Variants in STIM2 observed in about 807,000 individuals in gnomAD.
STIM2 encodes stromal interaction molecule 2.
Under a neutral mutation model 85.8 loss-of-function variants are expected in STIM2, and 31 were observed. The observed-to-expected ratio is 0.36, with a 90% confidence interval of 0.27 to 0.49. The LOEUF (loss-of-function observed/expected upper bound fraction) is 0.49. Among genes scored for constraint, STIM2 ranks in the 20% least tolerant of loss-of-function variants. The pLI is 0.98. For synonymous variants in STIM2, 356 were observed against 331.1 expected (o/e 1.08, Z -0.82); for missense variants, 841 against 927.6 (o/e 0.91, Z 1.21).
chr4:26,935,413 G>T (rs1186711976), intron 2 of STIM2, among the ~76,000 whole-genome samples: 1 of 152,150 alleles, frequency 6.6e-6, no homozygotes, highest in Admixed American at 6.5e-5. Context: ...ATAGAAAAAG[G>T]TTAGGGCCAC....
At chr4:27,004,442 C>T (rs1012921159) in intron 7 of STIM2, among the ~76,000 whole-genome samples, 2 of 152,056 alleles carry the variant, frequency 1.3e-5, no homozygotes, top group Admixed American at 6.5e-5. Flanking sequence ...GAACTCCCTG[C>T]CTTTTTCCAC....
rs770185821 is a variant in STIM2, at chr4:27,003,112, C to T, written c.981+8C>T. The stretch of plus-strand genomic sequence containing the variant: ...GAACAGGAATTGGAACAGGTATTTA[C>T]ATTAAAAAAAAAATCACTTGTAAAG... On this transcript the variant is annotated splice_region_variant and intron_variant, in intron 7 of 11. Coordinates refer to ENST00000467087, the MANE Select transcript of STIM2 (RefSeq NM_020860.4). 2 of 1,555,164 alleles carry T rather than the reference C, an allele frequency of 1.3e-6. No homozygotes were observed. The highest frequency in any genetic ancestry group is 1.7e-6 in the Non-Finnish European group (2 of 1,160,672).
At chr4:26,992,017 C>T (rs1225460936) in intron 3 of STIM2, among the ~76,000 whole-genome samples, 2 of 151,984 alleles carry the variant, frequency 1.3e-5, no homozygotes, top group Non-Finnish European at 2.9e-5. Flanking sequence ...TTAGCAACAG[C>T]ATCTATAAAA....
chr4:26,948,868 C>T (rs766259224), intron 2 of STIM2, among the ~76,000 whole-genome samples: 1 of 151,862 alleles, frequency 6.6e-6, no homozygotes, highest in Non-Finnish European at 1.5e-5. Flanking sequence ...CTAGTGACTT[C>T]TCAGAAACCA....
At chr4:26,898,680 T>A (rs559278387) in intron 1 of STIM2, among the ~76,000 whole-genome samples, 2 of 152,320 alleles carry the variant, frequency 1.3e-5, no homozygotes, top group African/African-American at 4.8e-5. Flanking sequence ...TTCACCCTTA[T>A]GTATCAATTT....
chr4:26,981,441 C>A (rs1173774447), intron 3 of STIM2, among the ~76,000 whole-genome samples: 2 of 152,190 alleles, frequency 1.3e-5, no homozygotes, highest in Admixed American at 1.3e-4. Context: ...TGAAGAAGAA[C>A]TGAAAGATTT....
In STIM2 at chr4:26,905,999, A is replaced by G. The variant is rs1432724747; in HGVS notation, c.152-13505A>G. On this transcript the variant is annotated intron_variant, in intron 1 of 11. Transcript: ENST00000467087. Reference sequence around the variant, plus strand: ...AAAATATATAGACCTAAAAATACATATAAGGCCAGTTTTATATCTTTAATC... The same window carrying G: ...AAAATATATAGACCTAAAAATACATGTAAGGCCAGTTTTATATCTTTAATC... Among the ~76,000 whole-genome samples, 3 of 152,220 alleles carry G rather than the reference A, an allele frequency of 2.0e-5. No homozygotes were observed. The East Asian group carries it at 5.8e-4, about 29-fold the overall frequency.
At chr4:26,993,359 T>G (rs902264201) in intron 3 of STIM2, among the ~76,000 whole-genome samples, 2 of 152,176 alleles carry the variant, frequency 1.3e-5, no homozygotes, top group African/African-American at 4.8e-5. Context: ...GGGAGAACAG[T>G]CAAGGCTTTG....
chr4:26,992,578 T>C (rs1252954685), intron 3 of STIM2, among the ~76,000 whole-genome samples: 1 of 152,032 alleles, frequency 6.6e-6, no homozygotes, highest in African/African-American at 2.4e-5. Flanking sequence ...AAAGGTTCAC[T>C]TGAAGAATTA....
At chr4:26,898,623 T>C (rs1400023799) in intron 1 of STIM2, among the ~76,000 whole-genome samples, 1 of 152,190 alleles carries the variant, frequency 6.6e-6, no homozygotes, top group Non-Finnish European at 1.5e-5. Flanking sequence ...AGTATTTTGG[T>C]TTTCATGAAA....
At chr4:26,987,722 C>A (rs1452191069) in intron 3 of STIM2, among the ~76,000 whole-genome samples, 2 of 152,318 alleles carry the variant, frequency 1.3e-5, no homozygotes, top group Middle Eastern at 6.8e-3. Flanking sequence ...TCCCTCCAGG[C>A]CTTTAGTAGG....
chr4:26,875,358 G>A (rs1032903855), intron 1 of STIM2, among the ~76,000 whole-genome samples: 2 of 152,018 alleles, frequency 1.3e-5, no homozygotes, highest in African/African-American at 2.4e-5. Context: ...GTTTAAACGT[G>A]TTTATAAAAT....
At chr4:26,867,321 C>G (rs1161615505) in intron 1 of STIM2, among the ~76,000 whole-genome samples, 6 of 151,956 alleles carry the variant, frequency 3.9e-5, no homozygotes, top group Admixed American at 1.3e-4. Flanking sequence ...TCAAATGTGC[C>G]TATTTCTTAA....
At chr4:26,990,266 C>G (rs2109121116) in intron 3 of STIM2, among the ~76,000 whole-genome samples, 1 of 152,054 alleles carries the variant, frequency 6.6e-6, no homozygotes, top group Middle Eastern at 3.4e-3. Context: ...ACACATATAC[C>G]AACGAAACAG....
chr4:27,023,418 C>G lies in STIM2; in HGVS notation c.*422C>G, dbSNP rs965598999. The G allele has an allele frequency of 6.0e-6, 1 of 167,614 alleles. No homozygotes were observed. The highest frequency in any genetic ancestry group is 2.4e-5 in the African/African-American group (1 of 41,364). The allele number at this position is 167,614 out of a possible 1,614,324, so 10.4% of individuals were successfully genotyped here. A position where few individuals can be genotyped will look rare whatever the true frequency, so the allele number is the denominator to read the frequency against. ...TCCACAGAGCTATTTACATCCTGGA[C>G]TATATAACTTAAAAGAAGTAAAACG... On this transcript the variant is annotated 3_prime_UTR_variant, in exon 12 of 12. Transcript: ENST00000467087.
chr4:26,869,299 CAAAAAAAAAAA>C (rs71186495), intron 1 of STIM2, among the ~76,000 whole-genome samples: 5 of 85,856 alleles, frequency 5.8e-5, no homozygotes, highest in East Asian at 3.2e-4. Context: ...ACCCTGTCTC[CAAAAAAAAAAA>C]AAAAAAAAAA....
chr4:26,906,365 A>G (rs1015564058), intron 1 of STIM2, among the ~76,000 whole-genome samples: 4 of 152,006 alleles, frequency 2.6e-5, no homozygotes, highest in African/African-American at 7.2e-5. Context: ...CTGTACACCA[A>G]ACCCCTGTGA....
chr4:26,939,534 C>A (rs1163088561), intron 2 of STIM2, among the ~76,000 whole-genome samples: 36 of 152,166 alleles, frequency 2.4e-4, no homozygotes, highest in Admixed American at 2.4e-3. Flanking sequence ...GAAAATGTTA[C>A]AAACAATTGA....
At chr4:26,974,850 TC>T (rs1470445123) in intron 3 of STIM2, among the ~76,000 whole-genome samples, 1 of 152,298 alleles carries the variant, frequency 6.6e-6, no homozygotes, top group Admixed American at 6.5e-5. Context: ...TTGGGTCCAT[TC>T]CCCCCATCAC....
Sources: gnomAD v4.1 joint callset for allele counts (sites outside exome capture counted in the v4.1 genomes callset) on GRCh38, gnomAD v4.1.1 for gene constraint, MANE v1.5 for transcripts, NCBI Gene and HGNC (gene_info 2026-07-23, HGNC 2026-07-21) for gene names.